Variants in ADRA1B observed in about 807,000 individuals in gnomAD.
ADRA1B encodes adrenoceptor alpha 1B.
A neutral mutation model predicts 17.9 loss-of-function variants in ADRA1B; 17 were observed. The ratio of observed to expected loss-of-function variants is 0.95; its 90% CI spans 0.65 to 1.42. The LOEUF (loss-of-function observed/expected upper bound fraction) is 1.42. Among genes scored for constraint, ADRA1B ranks in the 40% most tolerant of loss-of-function variants. The pLI is 0.00. For synonymous variants in ADRA1B, 366 were observed against 327.6 expected (o/e 1.12, Z -1.27); for missense variants, 681 against 722.1 (o/e 0.94, Z 0.65).
chr5:159,928,440 G>A (rs544881806), intron 1 of ADRA1B, among the ~76,000 whole-genome samples: 158 of 152,292 alleles, frequency 1.0e-3, no homozygotes, highest in African/African-American at 3.6e-3. Flanking sequence ...TCTCTGGTGC[G>A]AGCACAGGAA....
At chr5:159,925,237 C>T (rs774113504) in intron 1 of ADRA1B, among the ~76,000 whole-genome samples, 23 of 152,158 alleles carry the variant, frequency 1.5e-4, no homozygotes, top group Non-Finnish European at 2.8e-4. Flanking sequence ...ATGTGGCTGC[C>T]CGTCATTCAG....
intron 1 of ADRA1B, among the ~76,000 whole-genome samples, chr5:159,884,558 C>A (rs570563800): frequency 6.6e-6 from 1 of 152,280 alleles, no homozygotes; most frequent in East Asian, 1.9e-4. Context: ...GCCTCCAAAA[C>A]CATAAAAAAT....
chr5:159,914,361 C>A (rs889698291), upstream of ADRA1B, among the ~76,000 whole-genome samples: 6 of 152,182 alleles, frequency 3.9e-5, no homozygotes. Flanking sequence ...AGTTTCCTAA[C>A]CAGCTCTGCT....
chr5:159,874,103 C>T (rs2113075729), intron 1 of ADRA1B, among the ~76,000 whole-genome samples: 1 of 152,232 alleles, frequency 6.6e-6, no homozygotes, highest in African/African-American at 2.4e-5. Context: ...GGTAACTAGA[C>T]TGGTTTCTGC....
chr5:159,922,679 A>G (rs902328037), intron 1 of ADRA1B, among the ~76,000 whole-genome samples: 1 of 151,860 alleles, frequency 6.6e-6, no homozygotes, highest in African/African-American at 2.4e-5. Flanking sequence ...AGCCACCCCA[A>G]CCAAAAGAAA....
intron 1 of ADRA1B, among the ~76,000 whole-genome samples, chr5:159,876,083 C>A (rs1166922077): frequency 6.6e-6 from 1 of 152,006 alleles, no homozygotes; most frequent in Non-Finnish European, 1.5e-5. Flanking sequence ...CAGCTACTCA[C>A]GAGGCTGAGG....
At chr5:159,887,394 T>C (rs1753937175) in intron 1 of ADRA1B, among the ~76,000 whole-genome samples, 1 of 152,242 alleles carries the variant, frequency 6.6e-6, no homozygotes, top group African/African-American at 2.4e-5. Context: ...AGCTTCAGTG[T>C]TCAAAGCTAT....
At chr5:159,884,184 T>G (rs1324994087) in intron 1 of ADRA1B, among the ~76,000 whole-genome samples, 1 of 152,248 alleles carries the variant, frequency 6.6e-6, no homozygotes, top group Non-Finnish European at 1.5e-5. Context: ...AATAATTGAT[T>G]GTCCCATGTA....
chr5:159,928,703 G>C (rs1217192724), intron 1 of ADRA1B, among the ~76,000 whole-genome samples: 1 of 152,150 alleles, frequency 6.6e-6, no homozygotes, highest in Non-Finnish European at 1.5e-5. Context: ...GCATTGCTTA[G>C]AGGCTGAGCT....
intron 1 of ADRA1B, among the ~76,000 whole-genome samples, chr5:159,928,092 A>T (rs1383727457): frequency 6.6e-6 from 1 of 152,210 alleles, no homozygotes; most frequent in South Asian, 2.1e-4. Flanking sequence ...GGAATGGATC[A>T]ATTTCAGCAC....
At chr5:159,908,057 C>T (rs528523090) in intron 1 of ADRA1B, among the ~76,000 whole-genome samples, 2 of 151,850 alleles carry the variant, frequency 1.3e-5, no homozygotes, top group African/African-American at 2.4e-5. Context: ...GGTCTCCCAC[C>T]CTTCTTGGAA....
chr5:159,970,567 G>A (rs773745453), intron 1 of ADRA1B, among the ~76,000 whole-genome samples: 1 of 152,144 alleles, frequency 6.6e-6, no homozygotes, highest in Non-Finnish European at 1.5e-5. Context: ...TTATGGACTT[G>A]TGTGAAAATT....
At chr5:159,984,338 C>G in the ADRA1B span, among the ~76,000 whole-genome samples, 1 of 152,148 alleles carries the variant, frequency 6.6e-6, no homozygotes, top group Admixed American at 6.5e-5. Flanking sequence ...GGCTGCTCCC[C>G]CATCTCAGGA....
chr5:159,882,697 A>T (rs1303364218), intron 1 of ADRA1B, among the ~76,000 whole-genome samples: 1 of 152,198 alleles, frequency 6.6e-6, no homozygotes, highest in Non-Finnish European at 1.5e-5. Context: ...GGTAATATCC[A>T]AGCTGCAGAA....
chr5:159,929,966 G>A (rs1326027598), intron 1 of ADRA1B, among the ~76,000 whole-genome samples: 2 of 152,094 alleles, frequency 1.3e-5, no homozygotes, highest in South Asian at 2.1e-4. Flanking sequence ...ATTTTGATTC[G>A]TGGTGTCATT....
intron 1 of ADRA1B, among the ~76,000 whole-genome samples, chr5:159,923,347 G>A (rs377299839): frequency 6.6e-6 from 1 of 152,274 alleles, no homozygotes; most frequent in Non-Finnish European, 1.5e-5. Context: ...CTTCAGACGA[G>A]ACAGGTAGGA....
downstream of ADRA1B, among the ~76,000 whole-genome samples, chr5:159,976,697 A>G (rs1581077184): frequency 1.3e-5 from 2 of 152,302 alleles, no homozygotes; most frequent in African/African-American, 4.8e-5. Context: ...GCGTTACTTA[A>G]AAAGGTCATC....
intron 1 of ADRA1B, among the ~76,000 whole-genome samples, chr5:159,899,274 G>GGAAA (rs1754072218): frequency 8.4e-6 from 1 of 119,518 alleles, no homozygotes; most frequent in Non-Finnish European, 1.9e-5. Flanking sequence ...AAGGAAGGAA[G>GGAAA]GAAGGAAGGA....
chr5:159,919,276 G>A (rs1754412446), intron 1 of ADRA1B, among the ~76,000 whole-genome samples: 1 of 151,964 alleles, frequency 6.6e-6, no homozygotes, highest in Admixed American at 6.6e-5. Flanking sequence ...CCATTGCAGG[G>A]AAGCTTGCTT....
Sources: allele counts gnomAD v4.1 joint callset (sites outside exome capture counted in the v4.1 genomes callset), GRCh38; gene constraint gnomAD v4.1.1; transcripts MANE v1.5; gene names NCBI Gene and HGNC (gene_info 2026-07-23, HGNC 2026-07-21).